The following RASA1 variants were observed in gnomAD, a reference collection of about 807,000 sequenced individuals.
RASA1 encodes the protein ras GTPase-activating protein 1.
RASA1 carries 25 observed loss-of-function variants against 132.2 expected under a neutral mutation model. That is an observed-to-expected ratio of 0.19 (90% CI 0.14 to 0.26). The LOEUF (loss-of-function observed/expected upper bound fraction) is 0.26, where lower values mean the gene tolerates loss of function less well. Ranked by LOEUF, RASA1 falls within the 10% of genes least tolerant of loss-of-function variation. RASA1 has a pLI of 1.00. For synonymous variants in RASA1, 477 were observed against 449.9 expected (o/e 1.06, Z -0.76); for missense variants, 964 against 1,299.2 (o/e 0.74, Z 3.97).
intron 23 of RASA1, among the ~76,000 whole-genome samples, chr5:87,387,162 G>C (rs988571779): frequency 2.0e-5 from 3 of 152,084 alleles, no homozygotes; most frequent in African/African-American, 4.8e-5. Flanking sequence ...TTTAGGGTCT[G>C]TCTTGCTTTT....
chr5:87,298,192 G>T (rs1755202771), intron 1 of RASA1, among the ~76,000 whole-genome samples: 1 of 151,884 alleles, frequency 6.6e-6, no homozygotes, highest in Non-Finnish European at 1.5e-5. Context: ...GGTGGATCAC[G>T]AGGTCAGGAG....
chr5:87,296,581 T>C (rs967502810), intron 1 of RASA1, among the ~76,000 whole-genome samples: 1 of 151,826 alleles, frequency 6.6e-6, no homozygotes, highest in Non-Finnish European at 1.5e-5. Context: ...TCACATGGTA[T>C]AAATTTTTAG....
chr5:87,353,238 C>T lies in RASA1; in HGVS notation c.1332+3C>T, dbSNP rs372660229. 6.3e-7 allele frequency: 1 copy of T among 1,595,968 alleles called. No homozygotes were observed. The highest frequency in any genetic ancestry group is 2.2e-5 in the East Asian group (1 of 44,584). ...TTAAGGAACCTGTACCAATGCAGGT[C>T]AGTGTTGCATTTCTTATTGCAATAA... On this transcript the variant is annotated splice_donor_region_variant and intron_variant, in intron 9 of 24. Coordinates refer to ENST00000274376, the MANE Select transcript of RASA1 (RefSeq NM_002890.3).
intron 6 of RASA1, among the ~76,000 whole-genome samples, chr5:87,342,224 A>T (rs1758524371): frequency 6.7e-6 from 1 of 149,702 alleles, no homozygotes; most frequent in Admixed American, 6.7e-5. Flanking sequence ...CAATGGCACG[A>T]TCTCTGCTCA....
At chr5:87,337,665 A>G (rs1758069212) in intron 4 of RASA1, among the ~76,000 whole-genome samples, 1 of 152,160 alleles carries the variant, frequency 6.6e-6, no homozygotes, top group Non-Finnish European at 1.5e-5. Context: ...CCTTCAATAT[A>G]TGTACAATCA....
chr5:87,333,213 A>T, intron 3 of RASA1, 54 bp from the exon 4 acceptor site: 1 of 1,596,994 alleles, frequency 6.3e-7, no homozygotes, highest in Non-Finnish European at 8.5e-7. Flanking sequence ...ACCTCTTTTG[A>T]CTTTAAGATA....
intron 1 of RASA1, among the ~76,000 whole-genome samples, chr5:87,287,603 C>T (rs193107930): frequency 1.9e-4 from 28 of 148,346 alleles, no homozygotes; most frequent in Admixed American, 6.7e-4. Flanking sequence ...TACATATACA[C>T]GCCATATATA....
intron 5 of RASA1, among the ~76,000 whole-genome samples, chr5:87,338,518 TATATATATATATATAAA>T (rs1284115015): frequency 2.0e-5 from 2 of 100,616 alleles, no homozygotes; most frequent in Admixed American, 1.0e-4. Context: ...TATATATATA[TATATATATATATATAAA>T]ATTTTTTTTT....
chr5:87,385,525 T>A lies in RASA1; in HGVS notation c.2847+136T>A, dbSNP rs886934959. On this transcript the variant is annotated intron_variant, in intron 22 of 24. Coordinates refer to ENST00000274376, the MANE Select transcript of RASA1 (RefSeq NM_002890.3). Reference sequence around the variant, plus strand: ...AAGATTATTTTTGTTGGTATGTTTGTTTTTAAAGTAGCTTGTTTAAATTTT... The same window carrying A: ...AAGATTATTTTTGTTGGTATGTTTGATTTTAAAGTAGCTTGTTTAAATTTT... 8.5e-6 allele frequency: 6 copies of A among 704,620 alleles called. No homozygotes were observed. In the East Asian group the frequency reaches 1.6e-4, roughly 19 times the overall value. 43.6% of individuals were successfully genotyped at this position (704,620 alleles called of 1,614,324 possible).
At position 87,378,497 on chromosome 5, in the gene RASA1, G is replaced by C; in HGVS notation, c.2446G>C (p.Asp816His). 1 of 1,611,836 alleles carries C rather than the reference G, an allele frequency of 6.2e-7. No homozygotes were observed. Among genetic ancestry groups the C allele is most frequent in the Non-Finnish European group, 8.5e-7 (1 of 1,178,064 alleles). Residue 816 changes from aspartate to histidine, a missense_variant, in exon 18 of 25, where the codon GAC becomes CAC. Asp to His is a moderately conservative substitution (Grantham distance 81). Transcript: ENST00000274376. ...ATQFVHHALK[D>H]SILKIMESKQ... ...ACAGTTTGTTCATCATGCTTTGAAA[G>C]ACTCTATTTTAAAGATAATGGAAAG...
intron 9 of RASA1, among the ~76,000 whole-genome samples, chr5:87,356,779 T>C (rs1342277656): frequency 3.9e-5 from 6 of 152,204 alleles, no homozygotes; most frequent in East Asian, 3.8e-4. Context: ...ACATAACTTA[T>C]ACGTGCACTG....
At chr5:87,308,296 A>G (rs1480898065) in intron 1 of RASA1, among the ~76,000 whole-genome samples, 1 of 152,050 alleles carries the variant, frequency 6.6e-6, no homozygotes, top group Non-Finnish European at 1.5e-5. Context: ...TGAGAGAAAA[A>G]GTGGCAGAGT....
Position 87,373,907 on chromosome 5 carries a change from G to C in RASA1, c.1777-256G>C, listed in dbSNP as rs566899705. 2.2e-3 allele frequency among the ~76,000 whole-genome samples: 341 copies of C among 151,772 alleles called. 5 individuals carry two copies. Among genetic ancestry groups the C allele is most frequent in the African/African-American group, 7.9e-3 (326 of 41,422 alleles). ...AAAGGTGTATTTCATTATTTCTCCAGGAATATACTGGGAGAAATAACTTGT... is the reference window on the plus strand; with the variant it reads ...AAAGGTGTATTTCATTATTTCTCCACGAATATACTGGGAGAAATAACTTGT... On this transcript the variant is annotated intron_variant, in intron 13 of 24. Coordinates refer to ENST00000274376, the MANE Select transcript of RASA1 (RefSeq NM_002890.3).
chr5:87,304,427 T>C (rs558913531), intron 1 of RASA1, among the ~76,000 whole-genome samples: 14 of 152,212 alleles, frequency 9.2e-5, no homozygotes, highest in Admixed American at 5.9e-4. Context: ...ACTTCACTTA[T>C]CCTTCTGCTT....
intron 1 of RASA1, among the ~76,000 whole-genome samples, chr5:87,286,732 A>C (rs1226081529): frequency 1.3e-5 from 2 of 151,616 alleles, no homozygotes; most frequent in Non-Finnish European, 2.9e-5. Flanking sequence ...AGTGGCCTTC[A>C]GATATAATTT....
intron 6 of RASA1, among the ~76,000 whole-genome samples, chr5:87,341,640 C>G (rs1048012795): frequency 1.3e-5 from 2 of 152,052 alleles, no homozygotes; most frequent in African/African-American, 4.8e-5. Flanking sequence ...CTTGGTTATT[C>G]ATAGTATTTC....
intron 4 of RASA1, 54 bp from the exon 5 acceptor site, chr5:87,337,920 A>G (rs916852928): frequency 1.3e-6 from 2 of 1,509,688 alleles, no homozygotes; most frequent in African/African-American, 2.8e-5. Context: ...TGACTATTCT[A>G]ATCTCTGTAT....
intron 1 of RASA1, among the ~76,000 whole-genome samples, chr5:87,326,637 G>A (rs865955990): frequency 7.2e-5 from 11 of 152,096 alleles, no homozygotes; most frequent in Non-Finnish European, 7.3e-5. Flanking sequence ...GCAGTTTTAA[G>A]TCATAGTATC....
chr5:87,272,148 A>G (rs999007800), intron 1 of RASA1, among the ~76,000 whole-genome samples: 13 of 139,392 alleles, frequency 9.3e-5, no homozygotes, highest in Non-Finnish European at 1.9e-4. Context: ...AACCCTGTCT[A>G]AAAAAAAAAA....
Sources: allele counts gnomAD v4.1 joint callset (sites outside exome capture counted in the v4.1 genomes callset), GRCh38; gene constraint gnomAD v4.1.1; transcripts MANE v1.5; gene names NCBI Gene and HGNC (gene_info 2026-07-23, HGNC 2026-07-21).